The following LUZP2 variants were observed in gnomAD, a reference collection of about 807,000 sequenced individuals.
LUZP2 encodes leucine zipper protein 2.
A neutral mutation model predicts 51.6 loss-of-function variants in LUZP2; 52 were observed. The ratio of observed to expected loss-of-function variants is 1.01; its 90% CI spans 0.81 to 1.27. The LOEUF is 1.27. LUZP2 is among the 50% of genes most tolerant of loss of function. The pLI, the probability that LUZP2 is intolerant of heterozygous loss-of-function variation, is 0.00. For synonymous variants in LUZP2, 154 were observed against 137.3 expected (o/e 1.12, Z -0.85); for missense variants, 436 against 395.4 (o/e 1.10, Z -0.87).
At chr11:24,651,363 A>G (rs1176576262) in intron 1 of LUZP2, among the ~76,000 whole-genome samples, 1 of 152,104 alleles carries the variant, frequency 6.6e-6, no homozygotes, top group African/African-American at 2.4e-5. Context: ...AACATTTAGC[A>G]AAGAGCTTAA....
rs969588766 is a variant in LUZP2 at position 24,869,302 on chromosome 11, T to C, written c.397-36689T>C. Among the ~76,000 whole-genome samples, 18 of 152,118 alleles carry C rather than the reference T, an allele frequency of 1.2e-4. 1 individual carries two copies. The highest frequency in any genetic ancestry group is 1.5e-5 in the Non-Finnish European group (1 of 68,016). ...TTTATTGCACTTAGCTTCAATGAGCTTCACAGATACTGCATTTTTAAGAAA... is the reference window on the plus strand; with the variant it reads ...TTTATTGCACTTAGCTTCAATGAGCCTCACAGATACTGCATTTTTAAGAAA... On this transcript the variant is annotated intron_variant, in intron 5 of 11. Transcript: ENST00000336930.
chr11:24,897,672 A>G (rs527566298), intron 5 of LUZP2, among the ~76,000 whole-genome samples: 7 of 152,184 alleles, frequency 4.6e-5, no homozygotes, highest in African/African-American at 1.2e-4. Context: ...TGTAACACTC[A>G]CTGTGAGCGA....
chr11:24,670,629 C>A (rs1856374692), intron 1 of LUZP2, among the ~76,000 whole-genome samples: 1 of 151,870 alleles, frequency 6.6e-6, no homozygotes, highest in African/African-American at 2.4e-5. Flanking sequence ...TTTTAAATAT[C>A]TGTATTGATA....
At chr11:24,609,256 A>G (rs1181586891) in intron 1 of LUZP2, among the ~76,000 whole-genome samples, 3 of 152,150 alleles carry the variant, frequency 2.0e-5, no homozygotes, top group Non-Finnish European at 4.4e-5. Flanking sequence ...AGTCATTTTG[A>G]GAGATGAACC....
At chr11:24,647,560 A>G (rs1460775778) in intron 1 of LUZP2, among the ~76,000 whole-genome samples, 1 of 151,962 alleles carries the variant, frequency 6.6e-6, no homozygotes, top group East Asian at 1.9e-4. Flanking sequence ...AGTGAAATGT[A>G]ATGATATATG....
chr11:24,855,655 A>C (rs909823703), intron 5 of LUZP2, among the ~76,000 whole-genome samples: 16 of 152,184 alleles, frequency 1.1e-4, no homozygotes, highest in Non-Finnish European at 1.6e-4. Flanking sequence ...AGTTGGAACA[A>C]CCAAAGCAAT....
In LUZP2 at chr11:24,884,668, G is replaced by A. The variant is rs16913459; in HGVS notation, c.397-21323G>A. Among the ~76,000 whole-genome samples, 943 of 152,060 alleles carry A rather than the reference G, an allele frequency of 6.2e-3. 3 individuals are homozygous for A. Among genetic ancestry groups the A allele is most frequent in the Middle Eastern group, 0.01 (3 of 292 alleles). The stretch of plus-strand genomic sequence containing the variant: ...ATATCCTGTAGAACTACAAGAACTA[G>A]AACTACTAGAACTAGTACAAACTTT... On this transcript the variant is annotated intron_variant, in intron 5 of 11. Coordinates refer to ENST00000336930, the MANE Select transcript of LUZP2 (RefSeq NM_001009909.4).
intron 5 of LUZP2, among the ~76,000 whole-genome samples, chr11:24,816,426 T>C (rs1850185800): frequency 6.6e-6 from 1 of 152,126 alleles, no homozygotes; most frequent in African/African-American, 2.4e-5. Flanking sequence ...TGAAAAAATA[T>C]AGTCATGCTT....
intron 7 of LUZP2, among the ~76,000 whole-genome samples, chr11:24,972,155 A>AC (rs1855757888): frequency 6.6e-6 from 1 of 151,154 alleles, no homozygotes; most frequent in African/African-American, 2.4e-5. Context: ...AAAAAAAAAA[A>AC]AAAAAAACAC....
chr11:24,769,171 G>C (rs536451080), intron 5 of LUZP2, among the ~76,000 whole-genome samples: 3 of 151,910 alleles, frequency 2.0e-5, no homozygotes, highest in African/African-American at 7.3e-5. Context: ...ACTCATATGA[G>C]AAATCTACAA....
At chr11:24,991,562 T>C (rs1319060908) in intron 9 of LUZP2, among the ~76,000 whole-genome samples, 6 of 151,832 alleles carry the variant, frequency 4.0e-5, no homozygotes, top group Non-Finnish European at 8.8e-5. Flanking sequence ...ATTTAATGAC[T>C]TTTTTCCTCT....
intron 9 of LUZP2, among the ~76,000 whole-genome samples, chr11:25,017,077 G>A (rs1354562369): frequency 6.6e-6 from 1 of 151,948 alleles, no homozygotes; most frequent in African/African-American, 2.4e-5. Flanking sequence ...ATCTTATTTT[G>A]TGAAGTATCT....
At chr11:24,751,148 C>G (rs987233585) in intron 4 of LUZP2, among the ~76,000 whole-genome samples, 5 of 152,060 alleles carry the variant, frequency 3.3e-5, no homozygotes, top group Admixed American at 6.6e-5. Context: ...GAAACTGATG[C>G]CATTGCTAAC....
intron 5 of LUZP2, among the ~76,000 whole-genome samples, chr11:24,772,447 C>G (rs1182512852): frequency 6.6e-6 from 1 of 152,132 alleles, no homozygotes; most frequent in Non-Finnish European, 1.5e-5. Flanking sequence ...CGAATATTTA[C>G]TGAGTCCAGG....
rs77984579 is a variant in LUZP2 at position 25,069,365 on chromosome 11, T to C, written c.859-7964T>C. 7.0e-3 allele frequency among the ~76,000 whole-genome samples: 1,060 copies of C among 152,066 alleles called. 35 individuals are homozygous for C. The East Asian group carries it at 0.1, about 14-fold the overall frequency. On this transcript the variant is annotated intron_variant, in intron 10 of 11. Transcript: ENST00000336930. ...AAGATAAAAATATCTTGAGTATTGA[T>C]ATGAGAATTAAATCACATGAAATAT...
At chr11:24,733,219 CAT>C (rs1858784047) in intron 3 of LUZP2, among the ~76,000 whole-genome samples, 1 of 151,632 alleles carries the variant, frequency 6.6e-6, no homozygotes, top group Non-Finnish European at 1.5e-5. Flanking sequence ...TTTATAGTGA[CAT>C]GTTTATTATT....
rs1238475101 is a variant in LUZP2 at position 25,082,375 on chromosome 11, G to T, written c.*3717G>T. 1 of 152,576 alleles carries T rather than the reference G, an allele frequency of 6.6e-6. No homozygotes were observed. The highest frequency in any genetic ancestry group is 1.5e-5 in the Non-Finnish European group (1 of 68,016). 9.5% of individuals were successfully genotyped at this position (152,576 alleles called of 1,614,324 possible). On this transcript the variant is annotated 3_prime_UTR_variant, in exon 12 of 12. Transcript: ENST00000336930. ...CTTTTATTTTTATAGCTCAGGTATT[G>T]TAATTAGCACTAATTGCAGCAGAGA...
intron 5 of LUZP2, among the ~76,000 whole-genome samples, chr11:24,804,670 T>C (rs1042539494): frequency 1.3e-5 from 2 of 152,166 alleles, no homozygotes; most frequent in Non-Finnish European, 2.9e-5. Context: ...ACTTCTGAAA[T>C]GAATCTCATG....
intron 1 of LUZP2, among the ~76,000 whole-genome samples, chr11:24,501,662 C>A (rs1204018197): frequency 6.6e-6 from 1 of 152,174 alleles, no homozygotes; most frequent in Non-Finnish European, 1.5e-5. Context: ...AACTTGTCTT[C>A]ATCCCTGTAG....
Sources: gnomAD v4.1 joint callset for allele counts (sites outside exome capture counted in the v4.1 genomes callset) on GRCh38, gnomAD v4.1.1 for gene constraint, MANE v1.5 for transcripts, NCBI Gene and HGNC (gene_info 2026-07-23, HGNC 2026-07-21) for gene names.